PPP4R2: variants seen among roughly 807,000 people sequenced by gnomAD.
The protein encoded by PPP4R2 is protein phosphatase 4 regulatory subunit 2.
Under a neutral mutation model 47.2 loss-of-function variants are expected in PPP4R2, and 13 were observed. The observed-to-expected ratio is 0.28, with a 90% CI of 0.18 to 0.44. The LOEUF (loss-of-function observed/expected upper bound fraction) is 0.44. Ranked by LOEUF, PPP4R2 falls within the 20% of genes least tolerant of loss-of-function variation. The probability of loss-of-function intolerance (pLI) is 1.00; values close to 1 mark genes in which losing one functional copy is unlikely to be tolerated. For synonymous variants in PPP4R2, 151 were observed against 163.3 expected (o/e 0.92, Z 0.57); for missense variants, 421 against 491.2 (o/e 0.86, Z 1.35).
At position 73,002,626 on chromosome 3, in the gene PPP4R2, TTTC is replaced by T. The variant is rs1276182261; in HGVS notation, c.116+4471_116+4473del. On this transcript the variant is annotated intron_variant, in intron 2 of 8. Coordinates refer to ENST00000356692, the MANE Select transcript of PPP4R2 (RefSeq NM_174907.4). The stretch of plus-strand genomic sequence containing the variant: ...GGATTTTTCTTTTCTTTTCTTTTCT[TTTC>T]TTTTCTTTTTTTTTTTTTTTTTTTT... Among the ~76,000 whole-genome samples, 174 of 101,064 alleles carry T rather than the reference TTTC, an allele frequency of 1.7e-3. 4 individuals are homozygous for T. Among genetic ancestry groups the T allele is most frequent in the African/African-American group, 7.5e-3 (162 of 21,534 alleles). The allele number at this position is 101,064 out of a possible 152,430, so 66.3% of individuals were successfully genotyped here.
intron 3 of PPP4R2, among the ~76,000 whole-genome samples, chr3:73,056,822 C>G (rs1559566992): frequency 6.6e-6 from 1 of 152,000 alleles, no homozygotes; most frequent in Admixed American, 6.6e-5. Context: ...TGTTGTTAAA[C>G]AAGAAGTTTT....
intron 8 of PPP4R2, 95 bp downstream of exon 8, chr3:73,065,236 C>A: frequency 7.4e-7 from 1 of 1,351,060 alleles, no homozygotes; most frequent in Non-Finnish European, 9.9e-7. Flanking sequence ...TAATGGAACT[C>A]CTTATAATGC....
rs142552567 is a variant in PPP4R2 at position 73,011,531 on chromosome 3, G to A, written c.116+13373G>A. Among the ~76,000 whole-genome samples, 855 of 152,024 alleles carry A rather than the reference G, an allele frequency of 5.6e-3. 4 individuals carry two copies. Among genetic ancestry groups the A allele is most frequent in the African/African-American group, 0.015 (641 of 41,474 alleles). On this transcript the variant is annotated intron_variant, in intron 2 of 8. Coordinates refer to ENST00000356692, the MANE Select transcript of PPP4R2 (RefSeq NM_174907.4). Reference sequence around the variant, plus strand: ...TGCTTTTGTTAGGACTCTTATAATCGTTATTTCTGTAATTTCTGAGATTTT... The same window carrying A: ...TGCTTTTGTTAGGACTCTTATAATCATTATTTCTGTAATTTCTGAGATTTT...
intron 2 of PPP4R2, among the ~76,000 whole-genome samples, chr3:73,000,571 G>A (rs1028569798): frequency 6.6e-6 from 1 of 152,092 alleles, no homozygotes; most frequent in African/African-American, 2.4e-5. Context: ...GGAGGAGGCC[G>A]TAGGAAAAAT....
At chr3:72,998,265 T>C (rs1701391528) in intron 2 of PPP4R2, 107 bp downstream of exon 2, 1 of 687,916 alleles carries the variant, frequency 1.5e-6, no homozygotes, top group African/African-American at 1.9e-5. Flanking sequence ...TCATTCTAAA[T>C]TGTAGAAGTC....
intron 3 of PPP4R2, among the ~76,000 whole-genome samples, chr3:73,048,866 T>C (rs1702545889): frequency 6.6e-6 from 1 of 152,172 alleles, no homozygotes; most frequent in Non-Finnish European, 1.5e-5. Context: ...GTTTAAGAAT[T>C]TTGCTTGAAA....
chr3:73,018,037 C>T (rs1424681140), intron 2 of PPP4R2, among the ~76,000 whole-genome samples: 2 of 152,076 alleles, frequency 1.3e-5, no homozygotes, highest in African/African-American at 4.8e-5. Flanking sequence ...CAGATACAGA[C>T]CAGGTTGGTT....
At chr3:73,063,318 TAAAAA>T (rs534798966) in intron 5 of PPP4R2, 77 of 92,164 alleles carry the variant, frequency 8.4e-4, no homozygotes, top group Admixed American at 1.6e-3. Flanking sequence ...TCTCATTATT[TAAAAA>T]AAAAAAAAAA....
At chr3:73,008,840 A>G (rs765947319) in intron 2 of PPP4R2, among the ~76,000 whole-genome samples, 16 of 152,328 alleles carry the variant, frequency 1.1e-4, no homozygotes, top group Middle Eastern at 6.8e-3. Flanking sequence ...CTGATTGGAC[A>G]GTCAGGAGAG....
At chr3:73,040,476 T>C (rs1702354752) in intron 2 of PPP4R2, among the ~76,000 whole-genome samples, 1 of 151,192 alleles carries the variant, frequency 6.6e-6, no homozygotes, top group African/African-American at 2.4e-5. Context: ...TATTTTTAAT[T>C]GTAATGAAGT....
At chr3:73,042,107 A>G (rs1240715773) in intron 2 of PPP4R2, among the ~76,000 whole-genome samples, 1 of 152,174 alleles carries the variant, frequency 6.6e-6, no homozygotes, top group Non-Finnish European at 1.5e-5. Context: ...TAATTTCAGT[A>G]AAGTAGATTT....
At chr3:73,007,287 C>T (rs949458975) in intron 2 of PPP4R2, among the ~76,000 whole-genome samples, 1 of 151,998 alleles carries the variant, frequency 6.6e-6, no homozygotes, top group Non-Finnish European at 1.5e-5. Context: ...TTTTCCCCCT[C>T]TACAGTTTGA....
At chr3:73,014,756 T>C (rs1701789006) in intron 2 of PPP4R2, among the ~76,000 whole-genome samples, 1 of 152,242 alleles carries the variant, frequency 6.6e-6, no homozygotes, top group Non-Finnish European at 1.5e-5. Context: ...TTTTCAGATT[T>C]TTTGGCTAGA....
chr3:73,065,775 C>G lies in PPP4R2; in HGVS notation c.*53C>G. ...TTTACATACAGTTCTGGTTTTAACA[C>G]TGTATAAAACTTTTGTGTAATAAAA... On this transcript the variant is annotated 3_prime_UTR_variant, in exon 9 of 9. Transcript: ENST00000356692. 4.1e-6 allele frequency: 5 copies of G among 1,232,904 alleles called. No individual in the cohort carries two copies. The highest frequency in any genetic ancestry group is 4.5e-6 in the Non-Finnish European group (4 of 894,824). 76.4% of individuals were successfully genotyped at this position (1,232,904 alleles called of 1,614,324 possible).
At chr3:73,044,460 C>T (rs1416709372) in intron 2 of PPP4R2, among the ~76,000 whole-genome samples, 2 of 152,114 alleles carry the variant, frequency 1.3e-5, no homozygotes, top group African/African-American at 4.8e-5. Flanking sequence ...GTGGTAGGCA[C>T]CTGTAATCCT....
intron 2 of PPP4R2, among the ~76,000 whole-genome samples, chr3:73,006,460 G>T (rs1370287121): frequency 6.6e-6 from 1 of 152,062 alleles, no homozygotes. Context: ...AAAGTGCTGG[G>T]ATTACAGGCG....
chr3:73,002,543 G>T (rs1337659998), intron 2 of PPP4R2, among the ~76,000 whole-genome samples: 2 of 151,554 alleles, frequency 1.3e-5, no homozygotes, highest in Non-Finnish European at 2.9e-5. Flanking sequence ...ATTGCACTGA[G>T]CTGGTTTCAT....
chr3:73,051,905 G>A (rs1221670519), intron 3 of PPP4R2, among the ~76,000 whole-genome samples: 2 of 152,300 alleles, frequency 1.3e-5, no homozygotes, highest in African/African-American at 2.4e-5. Context: ...GATTACAGGC[G>A]TGAACCACTG....
At chr3:73,041,900 T>C (rs1292992161) in intron 2 of PPP4R2, among the ~76,000 whole-genome samples, 5 of 152,230 alleles carry the variant, frequency 3.3e-5, no homozygotes, top group African/African-American at 9.6e-5. Context: ...CATGTTTGAA[T>C]ATGAACTTGT....
Sources: allele counts gnomAD v4.1 joint callset (sites outside exome capture counted in the v4.1 genomes callset), GRCh38; gene constraint gnomAD v4.1.1; transcripts MANE v1.5; gene names NCBI Gene and HGNC (gene_info 2026-07-23, HGNC 2026-07-21).